Variants in ULK4 observed in about 807,000 individuals in gnomAD.
ULK4 encodes unc-51 like kinase 4, also known as inactive serine/threonine-protein kinase ULK4.
ULK4 carries 133 observed loss-of-function variants against 160.6 expected under a neutral mutation model. That is an observed-to-expected ratio of 0.83 (90% CI 0.72 to 0.96). The LOEUF (loss-of-function observed/expected upper bound fraction) is 0.96, where lower values mean the gene tolerates loss of function less well. ULK4 is among the 40% of genes least tolerant of loss of function. The pLI is 0.00. For missense variants in ULK4, 1,580 were observed against 1,499.5 expected (o/e 1.05, Z -0.89); for synonymous variants, 534 against 539.8 (o/e 0.99, Z 0.15).
At chr3:41,438,978 T>TAA (rs10591684) in intron 34 of ULK4, among the ~76,000 whole-genome samples, 15 of 134,578 alleles carry the variant, frequency 1.1e-4, no homozygotes, top group African/African-American at 3.2e-4. Flanking sequence ...CAGGAAAATT[T>TAA]AAAAAAAAAA....
At chr3:41,675,957 C>T (rs2035698689) in intron 29 of ULK4, among the ~76,000 whole-genome samples, 1 of 152,154 alleles carries the variant, frequency 6.6e-6, no homozygotes, top group Non-Finnish European at 1.5e-5. Context: ...AATACAAACA[C>T]ATAAGAAACT....
chr3:41,678,986 C>G (rs72862170), intron 29 of ULK4, among the ~76,000 whole-genome samples: 27 of 152,256 alleles, frequency 1.8e-4, no homozygotes, highest in African/African-American at 6.3e-4. Flanking sequence ...AGATCAAACT[C>G]CTTACCAGGT....
chr3:41,753,464 C>G (rs761899948), intron 22 of ULK4, among the ~76,000 whole-genome samples: 1 of 152,174 alleles, frequency 6.6e-6, no homozygotes, highest in East Asian at 1.9e-4. Flanking sequence ...GGCTTCAATA[C>G]AGCACGGATC....
At chr3:41,631,281 G>C (rs1336977094) in intron 30 of ULK4, among the ~76,000 whole-genome samples, 1 of 152,152 alleles carries the variant, frequency 6.6e-6, no homozygotes, top group African/African-American at 2.4e-5. Context: ...ATAAATTTTA[G>C]AACTGGTCAT....
intron 5 of ULK4, among the ~76,000 whole-genome samples, chr3:41,921,157 C>T (rs1193253716): frequency 6.6e-6 from 1 of 151,614 alleles, no homozygotes; most frequent in Non-Finnish European, 1.5e-5. Flanking sequence ...ACCAAAAATA[C>T]AAAAATTAGC....
intron 35 of ULK4, among the ~76,000 whole-genome samples, chr3:41,397,267 T>C (rs931688242): frequency 3.9e-5 from 6 of 152,180 alleles, no homozygotes; most frequent in Admixed American, 2.0e-4. Context: ...TATATATGCA[T>C]TTTTAAATAA....
intron 32 of ULK4, among the ~76,000 whole-genome samples, chr3:41,558,668 C>T (rs984922560): frequency 6.8e-6 from 1 of 146,908 alleles, no homozygotes; most frequent in Non-Finnish European, 1.5e-5. Context: ...CACGCCATGG[C>T]ACTTCAGCCT....
At chr3:41,617,389 G>A (rs1426842965) in intron 30 of ULK4, among the ~76,000 whole-genome samples, 2 of 152,186 alleles carry the variant, frequency 1.3e-5, no homozygotes, top group African/African-American at 4.8e-5. Flanking sequence ...GCATCAGGCC[G>A]GTGCCCCTCT....
chr3:41,645,033 G>T (rs1323473195), intron 30 of ULK4, among the ~76,000 whole-genome samples: 2 of 151,514 alleles, frequency 1.3e-5, no homozygotes, highest in African/African-American at 4.9e-5. Flanking sequence ...TGGGATCGGT[G>T]GTGATATCCC....
intron 35 of ULK4, among the ~76,000 whole-genome samples, chr3:41,292,557 G>C (rs1028035487): frequency 6.6e-6 from 1 of 151,254 alleles, no homozygotes. Flanking sequence ...GAGGTAGGGA[G>C]AACTGCTTGA....
At chr3:41,746,840 C>A (rs1178034487) in intron 22 of ULK4, among the ~76,000 whole-genome samples, 1 of 151,816 alleles carries the variant, frequency 6.6e-6, no homozygotes, top group East Asian at 1.9e-4. Context: ...CCAGAAGCAA[C>A]CCCAACACAA....
chr3:41,849,312 A>G (rs2042148220), intron 17 of ULK4, among the ~76,000 whole-genome samples: 1 of 152,234 alleles, frequency 6.6e-6, no homozygotes, highest in Non-Finnish European at 1.5e-5. Context: ...AGGGTAGAGA[A>G]GCATTTGTAT....
chr3:41,947,288 G>A (rs1700141374), intron 2 of ULK4, among the ~76,000 whole-genome samples: 1 of 152,210 alleles, frequency 6.6e-6, no homozygotes, highest in African/African-American at 2.4e-5. Flanking sequence ...TCCAGCCCGG[G>A]CGACAGAGCG....
chr3:41,803,713 C>A (rs1021688142), intron 19 of ULK4, among the ~76,000 whole-genome samples: 1 of 152,042 alleles, frequency 6.6e-6, no homozygotes, highest in Admixed American at 6.6e-5. Context: ...TCAATTCCCA[C>A]CTATGAGTGA....
intron 34 of ULK4, among the ~76,000 whole-genome samples, chr3:41,417,126 C>G (rs1267425362): frequency 6.6e-6 from 1 of 152,124 alleles, no homozygotes; most frequent in Non-Finnish European, 1.5e-5. Context: ...ACGTGAGAGA[C>G]AGTGAAGAGT....
rs146602531 is a variant in ULK4 at position 41,490,349 on chromosome 3, C to T, written c.3227-27096G>A. 5.9e-5 allele frequency among the ~76,000 whole-genome samples: 9 copies of T among 152,300 alleles called. No homozygotes were observed. The South Asian group carries it at 6.2e-4, about 11-fold the overall frequency. On this transcript the variant is annotated intron_variant, in intron 32 of 36. Coordinates refer to ENST00000301831, the MANE Select transcript of ULK4 (RefSeq NM_017886.4). ...GTTCCTCCACACTCCAGCTCCAGCA[C>T]AGACCCACACTTCCAGCCAGAATGT... is the stretch of plus-strand genomic sequence containing the variant.
At chr3:41,628,384 TCA>T (rs2033612181) in intron 30 of ULK4, among the ~76,000 whole-genome samples, 1 of 152,170 alleles carries the variant, frequency 6.6e-6, no homozygotes, top group South Asian at 2.1e-4. Context: ...AAGTTTCACA[TCA>T]CAGTCATAAG....
At chr3:41,638,989 C>T (rs189220230) in intron 30 of ULK4, among the ~76,000 whole-genome samples, 3 of 152,224 alleles carry the variant, frequency 2.0e-5, no homozygotes, top group African/African-American at 7.2e-5. Flanking sequence ...TGGCAAATTA[C>T]CAAAAGAAAG....
At chr3:41,793,183 A>AC (rs1299546526) in intron 20 of ULK4, among the ~76,000 whole-genome samples, 1 of 72,730 alleles carries the variant, frequency 1.4e-5, no homozygotes, top group Admixed American at 1.4e-4. Flanking sequence ...CAAAAAAAAA[A>AC]CCAACAAAAA....
Sources: allele counts gnomAD v4.1 joint callset (sites outside exome capture counted in the v4.1 genomes callset), GRCh38; gene constraint gnomAD v4.1.1; transcripts MANE v1.5; gene names NCBI Gene and HGNC (gene_info 2026-07-23, HGNC 2026-07-21).